BRCC3: variants seen among roughly 807,000 people sequenced by gnomAD.
BRCC3 encodes the protein BRCA1/BRCA2-containing complex subunit 3.
In BRCC3, 15 loss-of-function variants were observed where a neutral mutation model predicts 28.0. That is an observed-to-expected ratio of 0.54 (90% CI 0.36 to 0.82). The LOEUF (loss-of-function observed/expected upper bound fraction) is 0.82. BRCC3 is among the 40% of genes least tolerant of loss of function. BRCC3 has a pLI of 0.01. For synonymous variants in BRCC3, 66 were observed against 80.3 expected (o/e 0.82, Z 0.95); for missense variants, 109 against 225.9 (o/e 0.48, Z 3.32).
chrX:155,100,592 A>G (rs916281286), intron 7 of BRCC3, among the ~76,000 whole-genome samples: 1 of 112,462 alleles, frequency 8.9e-6, no homozygotes, highest in African/African-American at 3.2e-5. Context: ...ACTTTTCGCA[A>G]TAATGCCACT....
intron 7 of BRCC3, among the ~76,000 whole-genome samples, chrX:155,102,957 G>A (rs137984045): frequency 4.7e-4 from 52 of 111,478 alleles, no homozygotes; most frequent in African/African-American, 1.7e-3. Flanking sequence ...GTGCGTGTGT[G>A]TGTGTTGTCA....
At chrX:155,086,625 C>T (rs1184671949) in intron 5 of BRCC3, among the ~76,000 whole-genome samples, 1 of 111,479 alleles carries the variant, frequency 9.0e-6, no homozygotes, top group African/African-American at 3.3e-5. Flanking sequence ...TCCCAAAGCG[C>T]TGCTCACAGC....
chrX:155,097,766 T>C (rs1557296420), intron 7 of BRCC3, among the ~76,000 whole-genome samples: 1 of 112,250 alleles, frequency 8.9e-6, no homozygotes, highest in South Asian at 3.7e-4. Flanking sequence ...CTTTTTGGTA[T>C]ATACCCAAAT....
intron 7 of BRCC3, among the ~76,000 whole-genome samples, chrX:155,103,205 A>C (rs2074257809): frequency 8.9e-6 from 1 of 112,348 alleles, no homozygotes. Context: ...TTTTATTTAA[A>C]CAGTTTATTA....
chrX:155,101,224 G>A (rs1333697675), intron 7 of BRCC3, among the ~76,000 whole-genome samples: 1 of 111,480 alleles, frequency 9.0e-6, no homozygotes, highest in Non-Finnish European at 1.9e-5. Context: ...AAATAATCTA[G>A]AGATGATAAG....
intron 3 of BRCC3, among the ~76,000 whole-genome samples, chrX:155,074,171 T>TGTC (rs1313820604): frequency 8.9e-6 from 1 of 112,388 alleles, no homozygotes; most frequent in African/African-American, 3.2e-5. Flanking sequence ...TCAAATGTTC[T>TGTC]GTCTCTTTTC....
chrX:155,115,924 A>T lies in BRCC3; in HGVS notation c.549-133A>T, dbSNP rs1333757194. On this transcript the variant is annotated intron_variant, in intron 7 of 10. Coordinates refer to ENST00000330045, the MANE Select transcript of BRCC3 (RefSeq NM_001018055.3). ...TGAACTCTATCCACTTTGAAGTTGC[A>T]TCACTAAATGAATTACAGCAATGCT... The T allele has an allele frequency of 9.5e-6, 6 of 629,129 alleles. No individual in the cohort carries two copies. In the South Asian group the frequency reaches 1.9e-4, roughly 20 times the overall value. The allele number at this position is 629,129 out of a possible 1,213,427, so 51.8% of individuals were successfully genotyped here.
chrX:155,091,259 A>C (rs2074172478), intron 7 of BRCC3, among the ~76,000 whole-genome samples: 1 of 111,170 alleles, frequency 9.0e-6, no homozygotes, highest in Admixed American at 9.5e-5. Context: ...AATCCAATTC[A>C]ATCTAAATTA....
intron 8 of BRCC3, 51 bp downstream of exon 8, chrX:155,116,239 T>A (rs1557298748): frequency 9.1e-7 from 1 of 1,104,784 alleles, no homozygotes; most frequent in Non-Finnish European, 1.2e-6. Context: ...CTAGTCTCTC[T>A]TTTCTTCTTC....
intron 5 of BRCC3, among the ~76,000 whole-genome samples, chrX:155,088,653 G>A (rs1241265501): frequency 1.8e-5 from 2 of 111,398 alleles, no homozygotes; most frequent in Non-Finnish European, 3.8e-5. Flanking sequence ...ACGCCTGGCC[G>A]TTTTTGGCAT....
intron 3 of BRCC3, among the ~76,000 whole-genome samples, chrX:155,075,551 T>C (rs2074032953): frequency 8.9e-6 from 1 of 111,985 alleles, no homozygotes; most frequent in Non-Finnish European, 1.9e-5. Flanking sequence ...AACTTAGATC[T>C]GCCTCACACG....
chrX:155,090,886 A>G (rs1401581160), intron 7 of BRCC3, 47 bp downstream of exon 7: 5 of 910,669 alleles, frequency 5.5e-6, no homozygotes, highest in Non-Finnish European at 7.9e-6. Flanking sequence ...CTAATCTCCA[A>G]TTCAGAGAAT....
chrX:155,115,975 A>C (rs1325653722), intron 7 of BRCC3, 82 bp from the exon 8 acceptor site: 1 of 997,565 alleles, frequency 1.0e-6, no homozygotes, highest in Non-Finnish European at 1.4e-6. Context: ...GCCATATCCC[A>C]AACTTCCAAT....
chrX:155,105,720 A>G (rs1034462933), intron 7 of BRCC3, among the ~76,000 whole-genome samples: 6 of 111,671 alleles, frequency 5.4e-5, no homozygotes, highest in Non-Finnish European at 7.5e-5. Context: ...TTGTTTTGAG[A>G]CGGAGTCTCG....
intron 3 of BRCC3, among the ~76,000 whole-genome samples, chrX:155,074,564 T>A (rs1323578091): frequency 8.9e-6 from 1 of 111,996 alleles, no homozygotes; most frequent in African/African-American, 3.2e-5. Context: ...TAAATATTAC[T>A]CATTCCTCTT....
intron 9 of BRCC3, among the ~76,000 whole-genome samples, chrX:155,119,466 G>C (rs2074376756): frequency 8.9e-6 from 1 of 112,217 alleles, no homozygotes; most frequent in African/African-American, 3.2e-5. Context: ...TCACAGTAAA[G>C]CATAAAAGAT....
chrX:155,105,974 A>G (rs1041978863), intron 7 of BRCC3, among the ~76,000 whole-genome samples: 1 of 112,458 alleles, frequency 8.9e-6, no homozygotes, highest in South Asian at 3.7e-4. Flanking sequence ...GGCTTGAGCC[A>G]CCACGCCCAT....
intron 6 of BRCC3, among the ~76,000 whole-genome samples, chrX:155,089,756 C>T (rs782540759): frequency 8.9e-6 from 1 of 111,819 alleles, no homozygotes; most frequent in Non-Finnish European, 1.9e-5. Context: ...TTTAGTTGTC[C>T]TAAACAAGGT....
At chrX:155,095,995 C>T (rs1300109187) in intron 7 of BRCC3, among the ~76,000 whole-genome samples, 7 of 111,905 alleles carry the variant, frequency 6.3e-5, no homozygotes, top group African/African-American at 2.3e-4. Flanking sequence ...GTTTTAATGA[C>T]AATGAAGTTG....
Sources: gnomAD v4.1 joint callset for allele counts (sites outside exome capture counted in the v4.1 genomes callset) on GRCh38, gnomAD v4.1.1 for gene constraint, MANE v1.5 for transcripts, NCBI Gene and HGNC (gene_info 2026-07-23, HGNC 2026-07-21) for gene names.